VRTN: variants seen among roughly 807,000 people sequenced by gnomAD.
The protein encoded by VRTN is vertebrae development associated.
A neutral mutation model predicts 18.2 loss-of-function variants in VRTN; 5 were observed. The ratio of observed to expected loss-of-function variants is 0.27; its 90% confidence interval spans 0.14 to 0.58. VRTN has a LOEUF of 0.58. Among genes scored for constraint, VRTN ranks in the 20% least tolerant of loss-of-function variants. The probability of loss-of-function intolerance (pLI) is 0.91; values close to 1 mark genes in which losing one functional copy is unlikely to be tolerated. For synonymous variants in VRTN, 381 were observed against 393.7 expected (o/e 0.97, Z 0.38); for missense variants, 741 against 939.4 (o/e 0.79, Z 2.76).
At chr14:74,335,290 A>T (rs577408663) in intron 1 of VRTN, among the ~76,000 whole-genome samples, 1 of 152,316 alleles carries the variant, frequency 6.6e-6, no homozygotes, top group South Asian at 2.1e-4. Flanking sequence ...CCATAACTGG[A>T]TAATAGAATA....
intron 2 of VRTN, among the ~76,000 whole-genome samples, chr14:74,338,862 C>G (rs1405718938): frequency 6.6e-6 from 1 of 152,106 alleles, no homozygotes; most frequent in African/African-American, 2.4e-5. Flanking sequence ...GTAGCTGGGA[C>G]TACAGGTGTG....
At chr14:74,349,396 C>T (rs2085668816) in intron 1 of VRTN, among the ~76,000 whole-genome samples, 1 of 152,154 alleles carries the variant, frequency 6.6e-6, no homozygotes, top group Non-Finnish European at 1.5e-5. Context: ...GGCAGAGAGG[C>T]ACGGCGCAAG....
At chr14:74,313,225 C>T (rs1421041764) in intron 1 of VRTN, among the ~76,000 whole-genome samples, 1 of 152,100 alleles carries the variant, frequency 6.6e-6, no homozygotes, top group Non-Finnish European at 1.5e-5. Flanking sequence ...CCTCCAATAC[C>T]CAGCCCAGCG....
chr14:74,332,453 C>T (rs182723357), intron 1 of VRTN, among the ~76,000 whole-genome samples: 51 of 145,278 alleles, frequency 3.5e-4, no homozygotes, highest in Non-Finnish European at 6.7e-4. Flanking sequence ...CTCCCGGGTT[C>T]AAGCGATTCT....
At chr14:74,323,724 A>G (rs1364437580) in intron 1 of VRTN, among the ~76,000 whole-genome samples, 3 of 152,104 alleles carry the variant, frequency 2.0e-5, no homozygotes, top group Non-Finnish European at 4.4e-5. Flanking sequence ...ATTCCATGCA[A>G]TACTCCCTAG....
intron 1 of VRTN, among the ~76,000 whole-genome samples, chr14:74,335,759 G>A (rs1272940303): frequency 7.2e-6 from 1 of 138,014 alleles, no homozygotes; most frequent in Admixed American, 7.4e-5. Context: ...TTTTTTTTGT[G>A]AGATAGGGTC....
chr14:74,313,981 CA>C (rs953820924), intron 1 of VRTN, among the ~76,000 whole-genome samples: 7 of 152,222 alleles, frequency 4.6e-5, no homozygotes, highest in Admixed American at 4.6e-4. Context: ...TAGATATCAC[CA>C]AAGGACTCCC....
intron 1 of VRTN, among the ~76,000 whole-genome samples, chr14:74,350,306 T>C (rs2085675607): frequency 6.6e-6 from 1 of 152,028 alleles, no homozygotes; most frequent in Non-Finnish European, 1.5e-5. Context: ...CACATACTTG[T>C]ACCTCCTACC....
At chr14:74,320,898 TAAA>T (rs766559301) in intron 1 of VRTN, among the ~76,000 whole-genome samples, 2 of 83,582 alleles carry the variant, frequency 2.4e-5, no homozygotes, top group African/African-American at 5.0e-5. Flanking sequence ...CCCATCTCTT[TAAA>T]AAAAAAAAAA....
chr14:74,344,733 T>TAAAAAAAAAAAA (rs60479764), upstream of VRTN, among the ~76,000 whole-genome samples: 16 of 54,048 alleles, frequency 3.0e-4, 1 homozygote, highest in South Asian at 1.8e-3. Flanking sequence ...AGACTCTGAC[T>TAAAAAAAAAAAA]AAAAAAAAAA....
Position 74,358,485 on chromosome 14 carries a change from G to T in VRTN, c.1702G>T (p.Gly568Trp), listed in dbSNP as rs140697985. 4.5e-4 allele frequency: 727 copies of T among 1,614,184 alleles called. 1 individual carries two copies. In the African/African-American group the frequency reaches 8.6e-3, roughly 19 times the overall value. ...GGTGCCGGTCCCCACCTTGGGCAAAGGGGGGCAGGAGGCTGAGGAGAAGCA... is the reference window on the plus strand; with the variant it reads ...GGTGCCGGTCCCCACCTTGGGCAAATGGGGGCAGGAGGCTGAGGAGAAGCA... ...LQVPVPTLGK[G>W]GQEAEEKQEK... The change falls in exon 2 of 2, where the codon GGG becomes TGG. Residue 568 changes from glycine (G) to tryptophan (W), a missense_variant. Around this residue, in one of 3 missense-constraint regions of VRTN, gnomAD observed 494 missense variants for 546.5 expected, o/e 0.90. Transcript: ENST00000256362. The surrounding 1 kb of genome is among the most constrained non-coding windows in gnomAD (Gnocchi z 5.4).
chr14:74,359,795 T>C lies in VRTN; in HGVS notation c.*903T>C, dbSNP rs1450240258. ...GCAGATTATGGCCCAGAGTCTCTGCTTGTGGGTGCTTGATCCACCTGCTGG... is the reference window on the plus strand; with the variant it reads ...GCAGATTATGGCCCAGAGTCTCTGCCTGTGGGTGCTTGATCCACCTGCTGG... On this transcript the variant is annotated 3_prime_UTR_variant, in exon 2 of 2. Transcript: ENST00000256362. 6.0e-6 allele frequency: 1 copy of C among 166,962 alleles called. No homozygotes were observed. Among genetic ancestry groups the C allele is most frequent in the African/African-American group, 2.4e-5 (1 of 41,370 alleles). The allele number at this position is 166,962 out of a possible 1,614,324, so 10.3% of individuals were successfully genotyped here. A position where few individuals can be genotyped will look rare whatever the true frequency, so the allele number is the denominator to read the frequency against.
At chr14:74,319,400 G>A (rs764114402) in intron 1 of VRTN, among the ~76,000 whole-genome samples, 5 of 152,312 alleles carry the variant, frequency 3.3e-5, no homozygotes, top group Middle Eastern at 3.4e-3. Flanking sequence ...TTTGGATGTG[G>A]TGAATGAGAG....
intron 1 of VRTN, among the ~76,000 whole-genome samples, chr14:74,335,244 G>A (rs1225068213): frequency 6.6e-6 from 1 of 152,188 alleles, no homozygotes; most frequent in Non-Finnish European, 1.5e-5. Context: ...TCATGCCACT[G>A]CACTCCAGCC....
At chr14:74,354,492 C>T (rs2085710047) in intron 1 of VRTN, among the ~76,000 whole-genome samples, 1 of 151,758 alleles carries the variant, frequency 6.6e-6, no homozygotes, top group Non-Finnish European at 1.5e-5. Context: ...GCAGCCTCTG[C>T]CTCCCGGGTT....
Position 74,356,864 on chromosome 14 carries a change from C to T in VRTN, c.81C>T (p.Leu27=), listed in dbSNP as rs1167324086. The change falls in exon 2 of 2, where the codon CTC becomes CTT. Residue 27 remains leucine (L), a synonymous_variant. Transcript: ENST00000256362. ...EAVECEGLEG[L]IGASLEAKQV... ...TGGAGTGCGAAGGCCTGGAGGGTCT[C>T]ATAGGTGCTTCCTTGGAGGCCAAGC... 16 of 1,613,864 alleles carry T rather than the reference C, an allele frequency of 9.9e-6. No individual in the cohort carries two copies. Among genetic ancestry groups the T allele is most frequent in the Non-Finnish European group, 1.2e-5 (14 of 1,179,988 alleles).
rs35884901 is a variant in VRTN, at chr14:74,320,563, C to CTTTTTTTT, written c.-163-17126_-163-17119dup. Among the ~76,000 whole-genome samples the CTTTTTTTT allele has an allele frequency of 2.0e-4, 9 of 45,028 alleles. 2 individuals are homozygous for CTTTTTTTT. The highest frequency in any genetic ancestry group is 3.6e-4 in the Non-Finnish European group (8 of 22,412). The allele number at this position is 45,028 out of a possible 152,430, so 29.5% of individuals were successfully genotyped here. On this transcript the variant is annotated intron_variant, in intron 1 of 2. Coordinates refer to the VRTN transcript ENST00000557177. ...AGACTTGAGCCACTGCGCCCGGCCTCTTTTTTTTTTTTTTTTTTTTTTTTT... is the reference window on the plus strand; with the variant it reads ...AGACTTGAGCCACTGCGCCCGGCCTCTTTTTTTTTTTTTTTTTTTTTTTTTTTTTTTTT...
intron 1 of VRTN, among the ~76,000 whole-genome samples, chr14:74,310,725 A>T (rs1305016107): frequency 6.6e-6 from 1 of 151,870 alleles, no homozygotes; most frequent in Non-Finnish European, 1.5e-5. Context: ...TTTAGTAGAG[A>T]TGGGGTTTCA....
At chr14:74,350,637 T>C (rs1411693706) in intron 1 of VRTN, among the ~76,000 whole-genome samples, 2 of 152,198 alleles carry the variant, frequency 1.3e-5, no homozygotes, top group Non-Finnish European at 2.9e-5. Context: ...GAAAGGGAGC[T>C]TGAGAGTCAG....
Sources: allele counts gnomAD v4.1 joint callset (sites outside exome capture counted in the v4.1 genomes callset), GRCh38; gene constraint gnomAD v4.1.1; regional missense constraint gnomAD v4.1.1; non-coding constraint Gnocchi (gnomAD v3.1); transcripts MANE v1.5; gene names NCBI Gene and HGNC (gene_info 2026-07-23, HGNC 2026-07-21).